NHEJ1: variants seen among roughly 807,000 people sequenced by gnomAD.
NHEJ1 encodes non-homologous end-joining factor 1.
In NHEJ1, 22 loss-of-function variants were observed where a neutral mutation model predicts 39.4. That is an observed-to-expected ratio of 0.56 (90% CI 0.40 to 0.80). NHEJ1 has a LOEUF of 0.80. Among genes scored for constraint, NHEJ1 ranks in the 30% least tolerant of loss-of-function variants. The pLI is 0.00. For missense variants in NHEJ1, 329 were observed against 357.1 expected, an observed-to-expected ratio of 0.92 and a Z score of 0.63; for synonymous variants, 154 against 135.6, an observed-to-expected ratio of 1.14 and a Z score of -0.94.
chr2:219,140,772 G>A (rs1949683197), intron 5 of NHEJ1, among the ~76,000 whole-genome samples: 1 of 152,172 alleles, frequency 6.6e-6, no homozygotes, highest in African/African-American at 2.4e-5. Flanking sequence ...GGAGTTTCAG[G>A]GTAAGACCTA....
intron 3 of NHEJ1, among the ~76,000 whole-genome samples, chr2:219,154,888 AC>A (rs1458096304): frequency 4.1e-5 from 6 of 147,292 alleles, no homozygotes; most frequent in African/African-American, 1.5e-4. Flanking sequence ...AATATATAAT[AC>A]ATTATATTAT....
intron 3 of NHEJ1, among the ~76,000 whole-genome samples, chr2:219,157,045 T>C (rs531248153): frequency 8.5e-5 from 13 of 152,316 alleles, no homozygotes; most frequent in African/African-American, 2.9e-4. Context: ...CTACTCATCT[T>C]CAAAACTTAG....
At chr2:219,078,560 A>G (rs1171186863) in intron 5 of NHEJ1, among the ~76,000 whole-genome samples, 1 of 152,210 alleles carries the variant, frequency 6.6e-6, no homozygotes, top group East Asian at 1.9e-4. Flanking sequence ...ACAAATTACT[A>G]TTTTCATTAA....
At chr2:219,084,583 G>A (rs1272169709) in intron 5 of NHEJ1, among the ~76,000 whole-genome samples, 1 of 152,194 alleles carries the variant, frequency 6.6e-6, no homozygotes, top group Admixed American at 6.5e-5. Flanking sequence ...TTAAATCCTG[G>A]CTTTGCCAGT....
At chr2:219,137,058 T>A (rs971447975) in intron 5 of NHEJ1, among the ~76,000 whole-genome samples, 1 of 149,616 alleles carries the variant, frequency 6.7e-6, no homozygotes, top group African/African-American at 2.5e-5. Context: ...GAGGTCTTTT[T>A]AGCTCTTCTT....
intron 1 of NHEJ1, 58 bp from the exon 2 acceptor site, chr2:219,158,420 C>T (rs946694286): frequency 3.2e-6 from 5 of 1,541,612 alleles, no homozygotes; most frequent in East Asian, 2.2e-5. Flanking sequence ...CTAGGGAGGG[C>T]ACCACCCAAA....
chr2:219,094,239 C>A (rs888333199), intron 5 of NHEJ1, among the ~76,000 whole-genome samples: 6 of 152,000 alleles, frequency 3.9e-5, no homozygotes, highest in African/African-American at 1.5e-4. Context: ...TTAAGCAGGA[C>A]TTACTAGCCA....
intron 3 of NHEJ1, among the ~76,000 whole-genome samples, chr2:219,153,391 A>C (rs924074967): frequency 2.0e-5 from 3 of 152,212 alleles, no homozygotes; most frequent in African/African-American, 7.2e-5. Context: ...CTTTGGATAT[A>C]GCTCCTAGGA....
At chr2:219,100,061 G>A (rs1448224212) in intron 5 of NHEJ1, among the ~76,000 whole-genome samples, 1 of 152,112 alleles carries the variant, frequency 6.6e-6, no homozygotes, top group East Asian at 1.9e-4. Flanking sequence ...GGAAGCCTTC[G>A]GTTATTATGG....
At chr2:219,154,202 T>C (rs920002857) in intron 3 of NHEJ1, among the ~76,000 whole-genome samples, 1 of 152,222 alleles carries the variant, frequency 6.6e-6, no homozygotes, top group South Asian at 2.1e-4. Context: ...GTGGGTAAGT[T>C]CTACAATTAA....
chr2:219,102,626 T>C (rs1318268406), intron 5 of NHEJ1: 1 of 151,778 alleles, frequency 6.6e-6, no homozygotes, highest in Non-Finnish European at 1.5e-5. Context: ...ACACAGGTTG[T>C]TAACAGAGCA....
At chr2:219,144,617 C>T (rs550657064) in intron 5 of NHEJ1, among the ~76,000 whole-genome samples, 1 of 152,008 alleles carries the variant, frequency 6.6e-6, no homozygotes, top group South Asian at 2.1e-4. Context: ...CAAGATGAAA[C>T]AGCATTGGGG....
intron 5 of NHEJ1, among the ~76,000 whole-genome samples, chr2:219,145,873 T>C (rs1255029360): frequency 1.3e-5 from 2 of 149,850 alleles, no homozygotes; most frequent in African/African-American, 4.9e-5. Flanking sequence ...CGGAGGTTGC[T>C]GTGAGCCGAG....
rs1301140975 is a variant in NHEJ1 at position 219,074,517 on chromosome 2, GT to G, written c.*1863del. ...CCAGCACTTTGGGAGGCCGAGGCAGGTAGATCACCTGAGGTCAGGAGTTCGA... is the reference window on the plus strand; with the variant it reads ...CCAGCACTTTGGGAGGCCGAGGCAGGAGATCACCTGAGGTCAGGAGTTCGA... On this transcript the variant is annotated 3_prime_UTR_variant, in exon 8 of 8. Coordinates refer to ENST00000356853, the MANE Select transcript of NHEJ1 (RefSeq NM_024782.3). 6.6e-6 allele frequency among the ~76,000 whole-genome samples: 1 copy of G among 152,170 alleles called. No individual in the cohort carries two copies. Among genetic ancestry groups the G allele is most frequent in the Non-Finnish European group, 1.5e-5 (1 of 68,036 alleles).
intron 5 of NHEJ1, among the ~76,000 whole-genome samples, chr2:219,078,978 G>A (rs1325164156): frequency 6.6e-6 from 1 of 152,176 alleles, no homozygotes; most frequent in Non-Finnish European, 1.5e-5. Context: ...GGTTCCTTAG[G>A]GAAGTGATAA....
chr2:219,143,304 A>G (rs1949708443), intron 5 of NHEJ1, among the ~76,000 whole-genome samples: 1 of 152,172 alleles, frequency 6.6e-6, no homozygotes, highest in Admixed American at 6.5e-5. Context: ...AAAAAGATGC[A>G]GTAGTCATAA....
chr2:219,157,950 A>G (rs1206263504), intron 2 of NHEJ1, among the ~76,000 whole-genome samples: 1 of 151,464 alleles, frequency 6.6e-6, no homozygotes, highest in African/African-American at 2.4e-5. Flanking sequence ...TATCATGCAT[A>G]GGGTAGGGAA....
intron 5 of NHEJ1, among the ~76,000 whole-genome samples, chr2:219,109,293 A>C (rs1257609532): frequency 6.6e-6 from 1 of 152,094 alleles, no homozygotes; most frequent in Non-Finnish European, 1.5e-5. Context: ...TCTCATCATC[A>C]CTCACAAATA....
rs1158998734 is a variant in NHEJ1 at position 219,080,584 on chromosome 2, C to T, written c.589-2378G>A. On this transcript the variant is annotated intron_variant, in intron 5 of 7. Coordinates refer to ENST00000356853, the MANE Select transcript of NHEJ1 (RefSeq NM_024782.3). ...ATATATATATGCTTTTATATATATA[C>T]GCTTATATATATATGCTAATATATA... is the stretch of plus-strand genomic sequence containing the variant. 8.7e-5 allele frequency among the ~76,000 whole-genome samples: 7 copies of T among 80,626 alleles called. 1 individual carries two copies. The highest frequency in any genetic ancestry group is 1.2e-4 in the Admixed American group (1 of 8,060). 52.9% of individuals were successfully genotyped at this position (80,626 alleles called of 152,430 possible). A position where few individuals can be genotyped will look rare whatever the true frequency, so the allele number is the denominator to read the frequency against.
Sources: allele counts gnomAD v4.1 joint callset (sites outside exome capture counted in the v4.1 genomes callset), GRCh38; gene constraint gnomAD v4.1.1; transcripts MANE v1.5; gene names NCBI Gene and HGNC (gene_info 2026-07-23, HGNC 2026-07-21).